The following SOX6 variants were observed in gnomAD, a reference collection of about 807,000 sequenced individuals.
SOX6 encodes transcription factor SOX-6.
Under a neutral mutation model 97.8 loss-of-function variants are expected in SOX6, and 11 were observed. That is an observed-to-expected ratio of 0.11 (90% CI 0.07 to 0.19). The LOEUF is 0.19. Ranked by LOEUF, SOX6 falls within the 10% of genes least tolerant of loss-of-function variation. The pLI is 1.00. For synonymous variants in SOX6, 360 were observed against 371.4 expected, an observed-to-expected ratio of 0.97 and a Z score of 0.35; for missense variants, 810 against 1,039.5, an observed-to-expected ratio of 0.78 and a Z score of 3.04.
intron 4 of SOX6, among the ~76,000 whole-genome samples, chr11:16,205,256 AT>A (rs1000266049): frequency 2.0e-5 from 3 of 152,086 alleles, no homozygotes; most frequent in Admixed American, 6.6e-5. Flanking sequence ...TTTAAATGAT[AT>A]TTTTTTCAGA....
intron 1 of SOX6, among the ~76,000 whole-genome samples, chr11:16,453,135 T>C (rs991966466): frequency 6.6e-6 from 1 of 152,046 alleles, no homozygotes; most frequent in Non-Finnish European, 1.5e-5. Flanking sequence ...CTCTCACGAC[T>C]TTTTTTTCCT....
At chr11:16,176,134 A>T (rs1851180967) in intron 6 of SOX6, among the ~76,000 whole-genome samples, 1 of 151,760 alleles carries the variant, frequency 6.6e-6, no homozygotes, top group East Asian at 1.9e-4. Context: ...AGAGAGAGAG[A>T]GATTCAACCT....
At chr11:16,428,734 TAGTATAGTTTGA>T (rs1859207169) in intron 1 of SOX6, among the ~76,000 whole-genome samples, 2 of 152,212 alleles carry the variant, frequency 1.3e-5, no homozygotes, top group African/African-American at 4.8e-5. Context: ...TGTAGCCTTG[TAGTATAGTTTGA>T]AGTCAGGTAG....
At chr11:16,124,663 A>G (rs1272419569) in intron 6 of SOX6, among the ~76,000 whole-genome samples, 1 of 152,072 alleles carries the variant, frequency 6.6e-6, no homozygotes, top group Non-Finnish European at 1.5e-5. Context: ...GGGAAAGGCT[A>G]GAAAGACAGG....
intron 1 of SOX6, among the ~76,000 whole-genome samples, chr11:16,411,676 A>G (rs1858822778): frequency 6.6e-6 from 1 of 152,204 alleles, no homozygotes; most frequent in African/African-American, 2.4e-5. Flanking sequence ...ACCTCCTAAA[A>G]GAGCAAGAAA....
chr11:16,180,291 C>T (rs572131698), intron 6 of SOX6, among the ~76,000 whole-genome samples: 20 of 151,734 alleles, frequency 1.3e-4, no homozygotes, highest in Middle Eastern at 6.8e-3. Flanking sequence ...AAGTAAAATG[C>T]TTCGAAATAT....
chr11:16,257,365 G>A (rs1380952452), intron 3 of SOX6, among the ~76,000 whole-genome samples: 1 of 151,816 alleles, frequency 6.6e-6, no homozygotes, highest in Non-Finnish European at 1.5e-5. Flanking sequence ...AAAAAAAATC[G>A]TTGAATGGAA....
intron 1 of SOX6, among the ~76,000 whole-genome samples, chr11:16,373,873 AAGGAAGGAAGGAAGGGAGGG>A (rs1565119004): frequency 1.3e-4 from 2 of 15,200 alleles, no homozygotes; most frequent in Non-Finnish European, 1.8e-4. Flanking sequence ...GGAAGGAAGG[AAGGAAGGAAGGAAGGGAGGG>A]AGGGAGGAAG....
chr11:16,661,612 G>C (rs1054948749), intron 3 of SOX6, among the ~76,000 whole-genome samples: 8 of 151,908 alleles, frequency 5.3e-5, no homozygotes, highest in African/African-American at 1.9e-4. Context: ...CAGTGGCGGG[G>C]GCATAGCTCA....
intron 3 of SOX6, among the ~76,000 whole-genome samples, chr11:16,248,145 T>G (rs1011100626): frequency 2.0e-5 from 3 of 152,200 alleles, no homozygotes; most frequent in African/African-American, 7.2e-5. Flanking sequence ...GTCATGCAGA[T>G]ACAAAAGGTG....
chr11:16,471,686 G>C (rs537651802), intron 1 of SOX6, among the ~76,000 whole-genome samples: 1 of 152,102 alleles, frequency 6.6e-6, no homozygotes, highest in Non-Finnish European at 1.5e-5. Context: ...CAACAAATGA[G>C]AGAACTAGAA....
chr11:16,394,184 G>C (rs1858274772), intron 1 of SOX6, among the ~76,000 whole-genome samples: 2 of 151,740 alleles, frequency 1.3e-5, no homozygotes, highest in South Asian at 4.1e-4. Context: ...GAAGAAGATG[G>C]AAAAAGGCAC....
intron 6 of SOX6, among the ~76,000 whole-genome samples, chr11:16,139,087 T>C (rs1590221931): frequency 6.6e-6 from 1 of 152,236 alleles, no homozygotes; most frequent in Admixed American, 6.5e-5. Flanking sequence ...GAAGCGATGC[T>C]GTGCTCTTCT....
At chr11:16,273,715 C>G (rs555613716) in intron 3 of SOX6, among the ~76,000 whole-genome samples, 1 of 151,868 alleles carries the variant, frequency 6.6e-6, no homozygotes, top group East Asian at 1.9e-4. Flanking sequence ...ATGTCACATA[C>G]GAAGATGAAA....
At chr11:16,249,818 C>T (rs899369658) in intron 3 of SOX6, among the ~76,000 whole-genome samples, 9 of 152,148 alleles carry the variant, frequency 5.9e-5, no homozygotes, top group Non-Finnish European at 1.0e-4. Context: ...TTTCTTAAAA[C>T]AGTTATTTCA....
At chr11:16,677,339 T>C (rs935257234) in intron 3 of SOX6, among the ~76,000 whole-genome samples, 4 of 152,090 alleles carry the variant, frequency 2.6e-5, no homozygotes, top group African/African-American at 4.8e-5. Context: ...TGTTACAAAG[T>C]TATTTTACAG....
chr11:16,285,506 C>A (rs539378355), intron 3 of SOX6, among the ~76,000 whole-genome samples: 11 of 152,164 alleles, frequency 7.2e-5, no homozygotes, highest in Middle Eastern at 3.4e-3. Flanking sequence ...TGCACTCCAG[C>A]CTGGGCAGCA....
chr11:16,465,008 T>A (rs1464062652), intron 1 of SOX6, among the ~76,000 whole-genome samples: 2 of 152,218 alleles, frequency 1.3e-5, no homozygotes, highest in African/African-American at 4.8e-5. Flanking sequence ...TTTCAATCAT[T>A]TACTGTTTAA....
At chr11:16,145,349 C>T (rs1302772338) in intron 6 of SOX6, among the ~76,000 whole-genome samples, 2 of 152,114 alleles carry the variant, frequency 1.3e-5, no homozygotes, top group Admixed American at 6.6e-5. Context: ...TGGGACATAT[C>T]TCAAAATAAT....
Sources: allele counts gnomAD v4.1 joint callset (sites outside exome capture counted in the v4.1 genomes callset), GRCh38; gene constraint gnomAD v4.1.1; transcripts MANE v1.5; gene names NCBI Gene and HGNC (gene_info 2026-07-23, HGNC 2026-07-21).